The following CDH13 variants were observed in gnomAD, a reference collection of about 807,000 sequenced individuals.
The protein encoded by CDH13 is cadherin-13.
A neutral mutation model predicts 63.8 loss-of-function variants in CDH13; 24 were observed. That is an observed-to-expected ratio of 0.38 (90% CI 0.27 to 0.53). The LOEUF (loss-of-function observed/expected upper bound fraction) is 0.53. Ranked by LOEUF, CDH13 falls within the 20% of genes least tolerant of loss-of-function variation. The pLI, the probability that CDH13 is intolerant of heterozygous loss-of-function variation, is 0.85. For synonymous variants in CDH13, 503 were observed against 355.3 expected (o/e 1.42, Z -4.67); for missense variants, 1,049 against 903.1 (o/e 1.16, Z -2.07).
intron 5 of CDH13, among the ~76,000 whole-genome samples, chr16:83,312,537 T>C (rs927733199): frequency 4.6e-5 from 7 of 152,132 alleles, no homozygotes; most frequent in Admixed American, 6.5e-5. Flanking sequence ...GAGCTTCTGA[T>C]TGGCTTAGGT....
At chr16:83,771,852 G>A (rs1914779805) in intron 11 of CDH13, among the ~76,000 whole-genome samples, 1 of 152,178 alleles carries the variant, frequency 6.6e-6, no homozygotes, top group Non-Finnish European at 1.5e-5. Context: ...ATTTGATATG[G>A]TTGTATTAGG....
At chr16:83,543,735 G>A (rs141234205) in intron 7 of CDH13, among the ~76,000 whole-genome samples, 13 of 152,300 alleles carry the variant, frequency 8.5e-5, no homozygotes, top group African/African-American at 2.9e-4. Context: ...CGGGTATGCT[G>A]CTCTCATCTA....
chr16:83,794,191 G>C (rs1916453443), intron 13 of CDH13, among the ~76,000 whole-genome samples: 1 of 152,204 alleles, frequency 6.6e-6, no homozygotes, highest in Non-Finnish European at 1.5e-5. Flanking sequence ...AACTGTAAGA[G>C]AATAGATTCG....
chr16:83,625,654 T>C (rs921898929), intron 8 of CDH13, among the ~76,000 whole-genome samples: 1 of 152,188 alleles, frequency 6.6e-6, no homozygotes, highest in Non-Finnish European at 1.5e-5. Context: ...AAGTGGTGGG[T>C]CTCATGCACT....
intron 1 of CDH13, chr16:82,639,609 A>T (rs750915731): frequency 1.5e-5 from 9 of 620,208 alleles, no homozygotes; most frequent in Non-Finnish European, 2.3e-5. Flanking sequence ...AGAAATATAC[A>T]GTCTGTAGCT....
At chr16:82,947,535 A>C (rs568955283) in intron 2 of CDH13, among the ~76,000 whole-genome samples, 12 of 152,154 alleles carry the variant, frequency 7.9e-5, no homozygotes, top group Admixed American at 7.8e-4. Flanking sequence ...ATTTTGACAC[A>C]TCTGCCTTAA....
chr16:83,747,349 A>G (rs1597168315), intron 10 of CDH13, among the ~76,000 whole-genome samples: 3 of 152,118 alleles, frequency 2.0e-5, no homozygotes, highest in Non-Finnish European at 2.9e-5. Context: ...CCCATGAGAT[A>G]TGATGGTTTT....
chr16:83,794,224 T>C (rs1330858516), intron 13 of CDH13, among the ~76,000 whole-genome samples: 1 of 152,182 alleles, frequency 6.6e-6, no homozygotes, highest in Non-Finnish European at 1.5e-5. Context: ...TTTATGGCCA[T>C]TTGTTACAGG....
At chr16:83,589,227 C>G (rs1008343263) in intron 7 of CDH13, among the ~76,000 whole-genome samples, 7 of 151,232 alleles carry the variant, frequency 4.6e-5, no homozygotes, top group Non-Finnish European at 5.9e-5. Context: ...GTCTCCCTGT[C>G]TCCCCATCCC....
At chr16:83,033,671 C>G (rs769911199) in intron 3 of CDH13, among the ~76,000 whole-genome samples, 37 of 152,194 alleles carry the variant, frequency 2.4e-4, no homozygotes, top group African/African-American at 5.1e-4. Flanking sequence ...TATGCATACA[C>G]TTTATAAGTG....
At chr16:82,689,327 G>A (rs113527047) in intron 1 of CDH13, among the ~76,000 whole-genome samples, 10 of 152,206 alleles carry the variant, frequency 6.6e-5, no homozygotes, top group African/African-American at 9.6e-5. Flanking sequence ...AATGTATTCC[G>A]TAGGTAAATT....
intron 1 of CDH13, among the ~76,000 whole-genome samples, chr16:82,671,842 G>C (rs1469056464): frequency 6.6e-6 from 1 of 152,166 alleles, no homozygotes; most frequent in Non-Finnish European, 1.5e-5. Flanking sequence ...ACACCATGGG[G>C]CAGATATGTC....
intron 2 of CDH13, among the ~76,000 whole-genome samples, chr16:82,880,248 C>G (rs2040653531): frequency 6.6e-6 from 1 of 152,062 alleles, no homozygotes; most frequent in African/African-American, 2.4e-5. Flanking sequence ...CTTCTCCCAC[C>G]TGAACAAATT....
intron 5 of CDH13, among the ~76,000 whole-genome samples, chr16:83,293,522 T>C (rs970504722): frequency 2.6e-5 from 4 of 152,314 alleles, no homozygotes; most frequent in African/African-American, 9.6e-5. Context: ...TAGAATGTCG[T>C]CATCTTTATA....
chr16:83,380,473 C>T (rs1354552286), intron 6 of CDH13, among the ~76,000 whole-genome samples: 2 of 152,220 alleles, frequency 1.3e-5, no homozygotes, highest in East Asian at 3.9e-4. Flanking sequence ...ACCTTTCTAT[C>T]TACCTACCTA....
At chr16:83,057,851 A>G (rs949549521) in intron 3 of CDH13, among the ~76,000 whole-genome samples, 6 of 152,240 alleles carry the variant, frequency 3.9e-5, no homozygotes, top group Non-Finnish European at 7.3e-5. Flanking sequence ...GTACTAAGAA[A>G]GAAAAATGCT....
intron 2 of CDH13, chr16:82,990,140 C>G (rs909350547): frequency 2.0e-5 from 3 of 152,096 alleles, no homozygotes; most frequent in African/African-American, 7.2e-5. Flanking sequence ...ATCTGTGTTC[C>G]AACCCCAATC....
intron 8 of CDH13, among the ~76,000 whole-genome samples, chr16:83,651,094 C>G (rs372731581): frequency 6.6e-6 from 1 of 152,108 alleles, no homozygotes; most frequent in East Asian, 1.9e-4. Context: ...AAGCAAGAGC[C>G]TGTCTCAAAA....
At chr16:83,773,606 A>G (rs368660369) in intron 11 of CDH13, among the ~76,000 whole-genome samples, 22 of 152,148 alleles carry the variant, frequency 1.4e-4, no homozygotes, top group African/African-American at 5.3e-4. Flanking sequence ...GGGGATTACA[A>G]TTGGAGATGA....
Sources: allele counts gnomAD v4.1 joint callset (sites outside exome capture counted in the v4.1 genomes callset), GRCh38; gene constraint gnomAD v4.1.1; transcripts MANE v1.5; gene names NCBI Gene and HGNC (gene_info 2026-07-23, HGNC 2026-07-21).